Variants in DLG2 observed in about 807,000 individuals in gnomAD.
DLG2 encodes disks large homolog 2.
Under a neutral mutation model 132.5 loss-of-function variants are expected in DLG2, and 45 were observed. That is an observed-to-expected ratio of 0.34 (90% CI 0.27 to 0.44). The LOEUF is 0.44. Ranked by LOEUF, DLG2 falls within the 20% of genes least tolerant of loss-of-function variation. The pLI, the probability that DLG2 is intolerant of heterozygous loss-of-function variation, is 1.00. For synonymous variants in DLG2, 424 were observed against 419.6 expected, an observed-to-expected ratio of 1.01 and a Z score of -0.13; for missense variants, 1,045 against 1,196.9, an observed-to-expected ratio of 0.87 and a Z score of 1.87.
chr11:85,549,069 C>T (rs953938477), intron 3 of DLG2, among the ~76,000 whole-genome samples: 2 of 152,116 alleles, frequency 1.3e-5, no homozygotes, highest in African/African-American at 2.4e-5. Flanking sequence ...GTTCAGAGTC[C>T]GCCAAAACAG....
At chr11:85,365,157 C>CTT (rs1329473267) in intron 3 of DLG2, among the ~76,000 whole-genome samples, 1 of 152,018 alleles carries the variant, frequency 6.6e-6, no homozygotes, top group Non-Finnish European at 1.5e-5. Context: ...ATTAGCAAAC[C>CTT]TAGGACGGCA....
At chr11:84,888,442 T>C (rs957724481) in intron 6 of DLG2, among the ~76,000 whole-genome samples, 1 of 152,110 alleles carries the variant, frequency 6.6e-6, no homozygotes, top group Non-Finnish European at 1.5e-5. Flanking sequence ...AACAGCACCA[T>C]TCCTACTTTT....
intron 8 of DLG2, among the ~76,000 whole-genome samples, chr11:84,249,079 T>C (rs1405726178): frequency 1.3e-5 from 2 of 152,196 alleles, no homozygotes; most frequent in East Asian, 1.9e-4. Context: ...CATGAGGATA[T>C]CTGGCAGTTA....
At position 84,022,970 on chromosome 11, in the gene DLG2, G is replaced by A. The variant is rs553346332; in HGVS notation, c.919+36345C>T. Among the ~76,000 whole-genome samples, 47 of 152,162 alleles carry A rather than the reference G, an allele frequency of 3.1e-4. No homozygotes were observed. The Middle Eastern group carries it at 0.014, about 44-fold the overall frequency. On this transcript the variant is annotated intron_variant, in intron 11 of 27. Transcript: ENST00000376104. Reference sequence around the variant, plus strand: ...AAAGGCAGCTTTTTAATCTTGTGTTGTTTTGAGAATTAAAGCAGATAATAA... The same window carrying A: ...AAAGGCAGCTTTTTAATCTTGTGTTATTTTGAGAATTAAAGCAGATAATAA...
chr11:84,997,801 C>A (rs1212201116), intron 6 of DLG2: 1 of 152,114 alleles, frequency 6.6e-6, no homozygotes, highest in African/African-American at 2.4e-5. Context: ...TTCTGTGTGC[C>A]CAATATTACG....
At chr11:84,840,669 G>C (rs937867691) in intron 6 of DLG2, among the ~76,000 whole-genome samples, 1 of 152,016 alleles carries the variant, frequency 6.6e-6, no homozygotes. Flanking sequence ...CCATTAAAAA[G>C]GATGAGTTTA....
chr11:84,363,313 G>A (rs1016712076), intron 7 of DLG2, among the ~76,000 whole-genome samples: 2 of 151,404 alleles, frequency 1.3e-5, no homozygotes, highest in African/African-American at 2.4e-5. Flanking sequence ...GTCTTCTTTT[G>A]AGAAGTGTCT....
chr11:84,714,611 T>TCTCTCTC (rs2060930685), intron 6 of DLG2, among the ~76,000 whole-genome samples: 4 of 93,528 alleles, frequency 4.3e-5, no homozygotes, highest in African/African-American at 1.9e-4. Flanking sequence ...CTCTTTCTCT[T>TCTCTCTC]TCTCTTTCTC....
chr11:83,536,198 A>G (rs1019300947), intron 20 of DLG2, among the ~76,000 whole-genome samples: 5 of 152,192 alleles, frequency 3.3e-5, no homozygotes, highest in Non-Finnish European at 7.3e-5. Context: ...ATTAATTATT[A>G]AATAAACCAC....
At chr11:85,477,043 C>T (rs2093164468) in intron 3 of DLG2, among the ~76,000 whole-genome samples, 2 of 152,126 alleles carry the variant, frequency 1.3e-5, no homozygotes. Context: ...TAATGCACTG[C>T]TCTACAACTT....
intron 3 of DLG2, among the ~76,000 whole-genome samples, chr11:85,486,719 T>C (rs1328810950): frequency 1.3e-5 from 2 of 151,912 alleles, no homozygotes; most frequent in Non-Finnish European, 2.9e-5. Context: ...AGTAGGTTGC[T>C]TTACCACTGC....
At chr11:84,709,620 C>T (rs1235008030) in intron 6 of DLG2, among the ~76,000 whole-genome samples, 1 of 151,910 alleles carries the variant, frequency 6.6e-6, no homozygotes, top group Non-Finnish European at 1.5e-5. Flanking sequence ...ACCCTCAGGA[C>T]TTGCTTCTTA....
intron 6 of DLG2, among the ~76,000 whole-genome samples, chr11:85,026,955 T>G (rs1414296601): frequency 2.6e-5 from 4 of 152,114 alleles, no homozygotes; most frequent in Admixed American, 6.5e-5. Flanking sequence ...GCTGTAAGTC[T>G]AAGGATGACC....
At chr11:84,650,431 G>A (rs2099680098) in intron 6 of DLG2, among the ~76,000 whole-genome samples, 1 of 152,112 alleles carries the variant, frequency 6.6e-6, no homozygotes, top group South Asian at 2.1e-4. Flanking sequence ...GGAGAAATTG[G>A]ACATCTTAAT....
At chr11:83,817,088 A>G (rs1213031736) in intron 17 of DLG2, among the ~76,000 whole-genome samples, 1 of 152,216 alleles carries the variant, frequency 6.6e-6, no homozygotes, top group Non-Finnish European at 1.5e-5. Flanking sequence ...TATAAGATAT[A>G]TTATATGTCA....
intron 4 of DLG2, among the ~76,000 whole-genome samples, chr11:85,178,876 G>A (rs1328071927): frequency 6.6e-6 from 1 of 151,922 alleles, no homozygotes; most frequent in Non-Finnish European, 1.5e-5. Flanking sequence ...AATAGATTGA[G>A]AGGGTCCAAT....
At chr11:85,433,632 T>A (rs961323604) in intron 3 of DLG2, among the ~76,000 whole-genome samples, 2 of 152,334 alleles carry the variant, frequency 1.3e-5, no homozygotes, top group Admixed American at 1.3e-4. Context: ...CTTAAATGTA[T>A]ATGCACCCAA....
At chr11:85,619,324 C>T (rs921934558) in intron 2 of DLG2, among the ~76,000 whole-genome samples, 1 of 151,882 alleles carries the variant, frequency 6.6e-6, no homozygotes, top group African/African-American at 2.4e-5. Flanking sequence ...ACTATAGGCA[C>T]ATGCCAACAA....
chr11:84,050,596 G>T (rs993497124), intron 11 of DLG2, among the ~76,000 whole-genome samples: 5 of 151,990 alleles, frequency 3.3e-5, no homozygotes, highest in Non-Finnish European at 7.4e-5. Flanking sequence ...CCTTGCCCAT[G>T]CCTATGTCCT....
Sources: gnomAD v4.1 joint callset for allele counts (sites outside exome capture counted in the v4.1 genomes callset) on GRCh38, gnomAD v4.1.1 for gene constraint, MANE v1.5 for transcripts, NCBI Gene and HGNC (gene_info 2026-07-23, HGNC 2026-07-21) for gene names.